Variants in ZNF512 observed in about 807,000 individuals in gnomAD.
ZNF512 encodes zinc finger protein 512.
A neutral mutation model predicts 77.5 loss-of-function variants in ZNF512; 25 were observed. That is an observed-to-expected ratio of 0.32 (90% CI 0.23 to 0.45). The LOEUF (loss-of-function observed/expected upper bound fraction) is 0.45, where lower values mean the gene tolerates loss of function less well. Among genes scored for constraint, ZNF512 ranks in the 20% least tolerant of loss-of-function variants. The pLI, the probability that ZNF512 is intolerant of heterozygous loss-of-function variation, is 1.00. For synonymous variants in ZNF512, 246 were observed against 239.9 expected, an observed-to-expected ratio of 1.03 and a Z score of -0.24; for missense variants, 483 against 692.6, an observed-to-expected ratio of 0.70 and a Z score of 3.40.
chr2:27,595,388 G>T lies in ZNF512; in HGVS notation c.90-2679G>T, dbSNP rs760233074. On this transcript the variant is annotated intron_variant, in intron 2 of 13. Transcript: ENST00000355467. ...CGATCTCTGCTCACTGCAGCGGCGC[G>T]ATCTCTGCTCATTGCAGCCTCCGCC... 4.7e-5 allele frequency among the ~76,000 whole-genome samples: 7 copies of T among 150,374 alleles called. No individual in the cohort carries two copies. In the South Asian group the frequency reaches 1.3e-3, roughly 27 times the overall value.
chr2:27,615,191 C>G lies in ZNF512; in HGVS notation c.1155C>G (p.Leu385=), dbSNP rs11127071. The G allele has an allele frequency of 2.3e-4, 366 of 1,601,834 alleles. No individual in the cohort carries two copies. Among genetic ancestry groups the G allele is most frequent in the Non-Finnish European group, 2.9e-4 (341 of 1,172,968 alleles). The change falls in exon 11 of 14, where the codon CTC becomes CTG. Residue 385 remains leucine, a synonymous_variant. Transcript: ENST00000355467. ...AGTTAAAATATACTCGTCCAGGGCT[C>G]CCTACCTTCAGCCAGGAAGTACTAC... ...DRKLKYTRPG[L]PTFSQEVLHK... is the part of the protein sequence containing the mutation.
At chr2:27,617,240 G>C in intron 12 of ZNF512, 2 of 424,678 alleles carry the variant, frequency 4.7e-6, no homozygotes. Context: ...GAGACTTTCA[G>C]GTTGTGTTGA....
intron 2 of ZNF512, among the ~76,000 whole-genome samples, chr2:27,588,562 T>C (rs1050582073): frequency 5.9e-5 from 9 of 152,118 alleles, no homozygotes; most frequent in African/African-American, 1.7e-4. Context: ...TTTGTCAAAC[T>C]TCACTTGGAC....
At chr2:27,617,905 CAA>C (rs61523057) in intron 13 of ZNF512, among the ~76,000 whole-genome samples, 4 of 113,662 alleles carry the variant, frequency 3.5e-5, no homozygotes, top group Non-Finnish European at 5.3e-5. Context: ...GATCCTGACT[CAA>C]AAAAAAAAAA....
intron 2 of ZNF512, among the ~76,000 whole-genome samples, chr2:27,591,077 C>T (rs915509048): frequency 3.3e-5 from 5 of 152,086 alleles, no homozygotes; most frequent in African/African-American, 7.2e-5. Flanking sequence ...CACTCTGTTG[C>T]CAAGGCTGAA....
chr2:27,583,578 CT>C (rs1671207395), intron 1 of ZNF512, 79 bp from the exon 2 acceptor site: 1 of 1,571,190 alleles, frequency 6.4e-7, no homozygotes, highest in African/African-American at 1.4e-5. Flanking sequence ...TTCATTTCTT[CT>C]GGGCATAGGG....
intron 2 of ZNF512, among the ~76,000 whole-genome samples, chr2:27,587,280 T>TTTTTTC (rs1236068074): frequency 6.6e-6 from 1 of 150,630 alleles, no homozygotes; most frequent in Admixed American, 6.6e-5. Context: ...TTTTTTTTTT[T>TTTTTTC]TTTTTTCTTT....
At chr2:27,592,469 C>T (rs1671632438) in intron 2 of ZNF512, among the ~76,000 whole-genome samples, 2 of 151,744 alleles carry the variant, frequency 1.3e-5, no homozygotes, top group South Asian at 4.2e-4. Context: ...GCACCCGCTA[C>T]CACACCCAGC....
At chr2:27,616,115 G>A in intron 11 of ZNF512, 147 bp from the exon 12 acceptor site, 1 of 534,726 alleles carries the variant, frequency 1.9e-6, no homozygotes, top group Non-Finnish European at 3.3e-6. Flanking sequence ...TTTGCGGCTT[G>A]CATGTATATT....
chr2:27,620,011 A>C (rs1409291115), intron 13 of ZNF512, among the ~76,000 whole-genome samples: 1 of 152,164 alleles, frequency 6.6e-6, no homozygotes, highest in Non-Finnish European at 1.5e-5. Context: ...ACAAGGTCTA[A>C]ATATTGCATT....
At chr2:27,599,149 GC>G (rs1672003550) in intron 3 of ZNF512, among the ~76,000 whole-genome samples, 1 of 152,088 alleles carries the variant, frequency 6.6e-6, no homozygotes, top group Non-Finnish European at 1.5e-5. Flanking sequence ...ACCATGGCTG[GC>G]CCCCCTTTTC....
intron 13 of ZNF512, 87 bp from the exon 14 acceptor site, chr2:27,621,066 C>G: frequency 2.7e-6 from 4 of 1,457,282 alleles, no homozygotes; most frequent in Non-Finnish European, 3.7e-6. Context: ...CTGCCCTAAT[C>G]ATGCCTTTTT....
At chr2:27,614,783 C>T (rs747906649) in intron 10 of ZNF512, among the ~76,000 whole-genome samples, 1 of 151,196 alleles carries the variant, frequency 6.6e-6, no homozygotes, top group African/African-American at 2.4e-5. Flanking sequence ...ACTGAGTACA[C>T]GAATGCGAAT....
intron 12 of ZNF512, 54 bp from the exon 13 acceptor site, chr2:27,617,419 A>G (rs1180237579): frequency 1.6e-5 from 13 of 790,014 alleles, no homozygotes; most frequent in Non-Finnish European, 1.2e-5. Context: ...CACATAGCCC[A>G]GTTATGTTGC....
At chr2:27,587,751 G>A (rs1192650662) in intron 2 of ZNF512, among the ~76,000 whole-genome samples, 2 of 150,846 alleles carry the variant, frequency 1.3e-5, no homozygotes, top group African/African-American at 4.9e-5. Context: ...GTGCAATCTC[G>A]GCTCACTGCA....
At chr2:27,587,370 A>T (rs1671381958) in intron 2 of ZNF512, among the ~76,000 whole-genome samples, 1 of 147,364 alleles carries the variant, frequency 6.8e-6, no homozygotes, top group East Asian at 2.0e-4. Context: ...TTTGCCTCCC[A>T]GGTTTAACTG....
At chr2:27,594,678 C>T (rs1216943708) in intron 2 of ZNF512, among the ~76,000 whole-genome samples, 1 of 151,372 alleles carries the variant, frequency 6.6e-6, no homozygotes, top group African/African-American at 2.4e-5. Flanking sequence ...CTCCTCCCAT[C>T]CCAGATGATG....
chr2:27,613,503 A>G (rs183034414), intron 10 of ZNF512, among the ~76,000 whole-genome samples: 45 of 152,046 alleles, frequency 3.0e-4, no homozygotes, highest in African/African-American at 1.1e-3. Context: ...CTCAAAAAAA[A>G]AAAAAAATTT....
chr2:27,605,139 T>C (rs1672298082), intron 9 of ZNF512, among the ~76,000 whole-genome samples: 1 of 152,118 alleles, frequency 6.6e-6, no homozygotes, highest in Admixed American at 6.6e-5. Context: ...TGATTACGAA[T>C]AAAGCTGCTA....
Sources: allele counts gnomAD v4.1 joint callset (sites outside exome capture counted in the v4.1 genomes callset), GRCh38; gene constraint gnomAD v4.1.1; transcripts MANE v1.5; gene names NCBI Gene and HGNC (gene_info 2026-07-23, HGNC 2026-07-21).